The following ZFHX3 variants were observed in gnomAD, a reference collection of about 807,000 sequenced individuals.
ZFHX3 encodes zinc finger homeobox 3.
In ZFHX3, 42 loss-of-function variants were observed where a neutral mutation model predicts 279.1. The ratio of observed to expected loss-of-function variants is 0.15; its 90% CI spans 0.12 to 0.19. ZFHX3 has a LOEUF of 0.19. Ranked by LOEUF, ZFHX3 falls within the 10% of genes least tolerant of loss-of-function variation. The probability of loss-of-function intolerance (pLI) is 1.00; values close to 1 mark genes in which losing one functional copy is unlikely to be tolerated. For synonymous variants in ZFHX3, 2,293 were observed against 1,957.8 expected (o/e 1.17, Z -4.52); for missense variants, 4,981 against 4,754.0 (o/e 1.05, Z -1.40).
intron 5 of ZFHX3, among the ~76,000 whole-genome samples, chr16:73,188,824 A>C (rs541769027): frequency 2.0e-4 from 31 of 151,486 alleles, no homozygotes; most frequent in Non-Finnish European, 3.7e-4. Context: ...TTTTTCCCCT[A>C]TGGCTATTTA....
chr16:73,156,210 C>CT (rs1567404874), intron 5 of ZFHX3, among the ~76,000 whole-genome samples: 3 of 125,064 alleles, frequency 2.4e-5, no homozygotes, highest in Non-Finnish European at 4.7e-5. Context: ...CCAGCCTGGG[C>CT]GACAGAGTGA....
At chr16:73,198,685 C>T (rs1968204836) in intron 5 of ZFHX3, among the ~76,000 whole-genome samples, 1 of 152,158 alleles carries the variant, frequency 6.6e-6, no homozygotes, top group Non-Finnish European at 1.5e-5. Context: ...CTCATCCTCG[C>T]TACAGAAACT....
chr16:72,919,038 G>A (rs868199220), intron 3 of ZFHX3, among the ~76,000 whole-genome samples: 3 of 152,060 alleles, frequency 2.0e-5, no homozygotes, highest in Non-Finnish European at 2.9e-5. Flanking sequence ...GCTGGGTTCA[G>A]TGTGTTCCCT....
chr16:72,889,062 G>T (rs1351943030), intron 4 of ZFHX3, among the ~76,000 whole-genome samples: 4 of 150,788 alleles, frequency 2.7e-5, no homozygotes, highest in Non-Finnish European at 5.9e-5. Context: ...CATGGGTGGA[G>T]GGAGGGAGGG....
intron 2 of ZFHX3, among the ~76,000 whole-genome samples, chr16:73,557,725 C>T (rs1393696128): frequency 2.6e-5 from 4 of 152,044 alleles, no homozygotes; most frequent in East Asian, 3.9e-4. Context: ...TCAGCAAGGT[C>T]TTTAAGACCT....
intron 2 of ZFHX3, among the ~76,000 whole-genome samples, chr16:73,485,438 A>AAAAAAAAAAAAAG (rs1567498393): frequency 1.4e-5 from 2 of 144,836 alleles, no homozygotes; most frequent in Non-Finnish European, 3.0e-5. Context: ...AAAAAAAAAA[A>AAAAAAAAAAAAAG]AAAAAAAAAC....
intron 3 of ZFHX3, among the ~76,000 whole-genome samples, chr16:73,392,581 T>C (rs1031276436): frequency 6.6e-6 from 1 of 151,998 alleles, no homozygotes; most frequent in Admixed American, 6.6e-5. Context: ...GGGGAGAAAT[T>C]ATATATATTT....
At chr16:72,939,897 C>T (rs992373388) in intron 3 of ZFHX3, among the ~76,000 whole-genome samples, 1 of 152,046 alleles carries the variant, frequency 6.6e-6, no homozygotes, top group African/African-American at 2.4e-5. Context: ...CCCACCGCAG[C>T]CCTCTCATGT....
chr16:73,682,492 A>G (rs2053020792), intron 1 of ZFHX3, among the ~76,000 whole-genome samples: 3 of 152,174 alleles, frequency 2.0e-5, no homozygotes, highest in Admixed American at 1.3e-4. Context: ...ACACTGATCT[A>G]AAAGAAAGGT....
intron 4 of ZFHX3, among the ~76,000 whole-genome samples, chr16:73,299,911 C>G (rs7194579): frequency 0.095 from 14,530 of 152,156 alleles, 896 homozygotes; most frequent in East Asian, 0.23. Flanking sequence ...TCTTCTGTGG[C>G]AGAAAGAAAG....
chr16:73,288,434 G>A (rs754836330), intron 4 of ZFHX3, among the ~76,000 whole-genome samples: 4 of 152,120 alleles, frequency 2.6e-5, no homozygotes, highest in Non-Finnish European at 4.4e-5. Context: ...AAATGGAAGG[G>A]ACGAGATTGC....
intron 3 of ZFHX3, among the ~76,000 whole-genome samples, chr16:73,409,761 A>G (rs1303384387): frequency 6.6e-6 from 1 of 152,216 alleles, no homozygotes; most frequent in Non-Finnish European, 1.5e-5. Context: ...ACATAACACA[A>G]TGGAGTACTA....
rs184967913 is a variant in ZFHX3, at chr16:73,766,458, G to C, written c.-1607-86218C>G. Among the ~76,000 whole-genome samples the C allele has an allele frequency of 1.6e-3, 249 of 152,290 alleles. 2 individuals carry two copies. The highest frequency in any genetic ancestry group is 5.7e-3 in the African/African-American group (236 of 41,566). On this transcript the variant is annotated intron_variant, in intron 1 of 17. Coordinates refer to the ZFHX3 transcript ENST00000641206. The stretch of plus-strand genomic sequence containing the variant: ...CTCCATCCAAGAATAAGGGACAGCA[G>C]CATCTCTTTGACATCCATAGCCCAT...
intron 7 of ZFHX3, among the ~76,000 whole-genome samples, chr16:73,105,396 T>TATATATATACACACACACAC (rs1425315788): frequency 6.0e-5 from 2 of 33,082 alleles, no homozygotes; most frequent in Non-Finnish European, 1.5e-4. Flanking sequence ...CACACACACA[T>TATATATATACACACACACAC]ATATATATAT....
At chr16:73,481,621 T>TTG (rs2018869452) in intron 2 of ZFHX3, among the ~76,000 whole-genome samples, 1 of 148,654 alleles carries the variant, frequency 6.7e-6, no homozygotes, top group Admixed American at 6.6e-5. Flanking sequence ...GTGTTGTTTT[T>TTG]TTGTTGTTGT....
intron 4 of ZFHX3, among the ~76,000 whole-genome samples, chr16:72,850,948 A>C (rs2037600484): frequency 6.6e-6 from 1 of 152,090 alleles, no homozygotes; most frequent in Non-Finnish European, 1.5e-5. Context: ...GGGGGGAGAA[A>C]GTAGCTTTGG....
At chr16:73,763,997 C>T (rs542970812) in intron 1 of ZFHX3, among the ~76,000 whole-genome samples, 1 of 152,310 alleles carries the variant, frequency 6.6e-6, no homozygotes, top group East Asian at 1.9e-4. Context: ...CAACCAACAC[C>T]TTGATCTCAA....
intron 5 of ZFHX3, among the ~76,000 whole-genome samples, chr16:73,218,225 G>A (rs2012282758): frequency 6.6e-6 from 1 of 152,114 alleles, no homozygotes; most frequent in Non-Finnish European, 1.5e-5. Flanking sequence ...TCACAACCAT[G>A]CCTAAATAAG....
At chr16:73,607,749 A>G (rs2052205378) in intron 2 of ZFHX3, among the ~76,000 whole-genome samples, 1 of 152,204 alleles carries the variant, frequency 6.6e-6, no homozygotes, top group Non-Finnish European at 1.5e-5. Flanking sequence ...AGATTAAAAT[A>G]TATGCTGAAC....
Sources: allele counts gnomAD v4.1 joint callset (sites outside exome capture counted in the v4.1 genomes callset), GRCh38; gene constraint gnomAD v4.1.1; transcripts MANE v1.5; gene names NCBI Gene and HGNC (gene_info 2026-07-23, HGNC 2026-07-21).